The following CREB5 variants were observed in gnomAD, a reference collection of about 807,000 sequenced individuals.
CREB5 encodes cAMP responsive element binding protein 5, also known as cyclic AMP-responsive element-binding protein 5.
A neutral mutation model predicts 57.1 loss-of-function variants in CREB5; 19 were observed. The observed-to-expected ratio is 0.33, with a 90% CI of 0.23 to 0.49. The LOEUF is 0.49. CREB5 is among the 20% of genes least tolerant of loss of function. The pLI, the probability that CREB5 is intolerant of heterozygous loss-of-function variation, is 0.99. For synonymous variants in CREB5, 238 were observed against 238.3 expected, an observed-to-expected ratio of 1.00 and a Z score of 0.01; for missense variants, 579 against 671.6, an observed-to-expected ratio of 0.86 and a Z score of 1.52.
intron 1 of CREB5, among the ~76,000 whole-genome samples, chr7:28,318,177 C>T (rs1402605032): frequency 6.6e-6 from 1 of 152,126 alleles, no homozygotes; most frequent in East Asian, 1.9e-4. Flanking sequence ...TCCAATCTAC[C>T]ACAGCCTATG....
intron 1 of CREB5, among the ~76,000 whole-genome samples, chr7:28,485,070 G>A (rs1791497039): frequency 6.6e-6 from 1 of 152,210 alleles, no homozygotes; most frequent in African/African-American, 2.4e-5. Context: ...AATTTCTGGG[G>A]AATGTCAGTA....
chr7:28,521,728 T>C (rs1425533794), intron 4 of CREB5, among the ~76,000 whole-genome samples: 1 of 152,224 alleles, frequency 6.6e-6, no homozygotes, highest in East Asian at 1.9e-4. Context: ...TCCATGGTAC[T>C]TCTGCACAAT....
At chr7:28,701,464 A>C (rs899651857) in intron 5 of CREB5, among the ~76,000 whole-genome samples, 1 of 152,232 alleles carries the variant, frequency 6.6e-6, no homozygotes, top group Non-Finnish European at 1.5e-5. Context: ...AGGATCTGAC[A>C]TTAGAAGCTC....
At chr7:28,598,121 G>T (rs1796761022) in intron 5 of CREB5, among the ~76,000 whole-genome samples, 1 of 152,146 alleles carries the variant, frequency 6.6e-6, no homozygotes, top group South Asian at 2.1e-4. Context: ...CATGTTGTGG[G>T]AGGGACCCAG....
intron 1 of CREB5, among the ~76,000 whole-genome samples, chr7:28,372,412 G>A (rs1254266459): frequency 6.6e-6 from 1 of 152,124 alleles, no homozygotes; most frequent in African/African-American, 2.4e-5. Flanking sequence ...GTCCAAAATA[G>A]ACCAGGAAAA....
chr7:28,332,800 C>T (rs1051185237), intron 1 of CREB5, among the ~76,000 whole-genome samples: 3 of 152,162 alleles, frequency 2.0e-5, no homozygotes, highest in Admixed American at 1.3e-4. Context: ...TGTAGCTATA[C>T]ATCATCATTT....
chr7:28,816,003 C>T (rs908962661), intron 9 of CREB5, among the ~76,000 whole-genome samples: 5 of 151,790 alleles, frequency 3.3e-5, no homozygotes, highest in African/African-American at 1.2e-4. Context: ...AGTGTTATTT[C>T]TGTAGTCTAA....
At chr7:28,733,366 G>T (rs773132425) in intron 7 of CREB5, among the ~76,000 whole-genome samples, 8 of 152,134 alleles carry the variant, frequency 5.3e-5, no homozygotes, top group Non-Finnish European at 1.0e-4. Flanking sequence ...GTTTGGTCCA[G>T]TGTTCCTACC....
chr7:28,818,200 CTT>C (rs1223921434), intron 10 of CREB5, 21 bp downstream of exon 10: 8 of 1,571,966 alleles, frequency 5.1e-6, no homozygotes, highest in Non-Finnish European at 7.0e-6. Flanking sequence ...GACTTTTTCA[CTT>C]TTCTTTAGTG....
intron 5 of CREB5, among the ~76,000 whole-genome samples, chr7:28,623,674 T>C (rs61504765): frequency 0.019 from 2,923 of 152,300 alleles, 102 homozygotes; most frequent in African/African-American, 0.067. Flanking sequence ...GGAACTTTCT[T>C]TCCATTTGAT....
intron 1 of CREB5, among the ~76,000 whole-genome samples, chr7:28,460,884 A>G (rs1790322835): frequency 6.6e-6 from 1 of 152,070 alleles, no homozygotes; most frequent in Admixed American, 6.6e-5. Flanking sequence ...GGGCTGGAAG[A>G]AAGTGTATAA....
At chr7:28,744,647 C>A (rs952962129) in intron 7 of CREB5, among the ~76,000 whole-genome samples, 2 of 152,094 alleles carry the variant, frequency 1.3e-5, no homozygotes, top group African/African-American at 4.8e-5. Flanking sequence ...CATGCCCGGC[C>A]CCCTTTATTA....
intron 1 of CREB5, among the ~76,000 whole-genome samples, chr7:28,428,382 C>T (rs1430289165): frequency 1.3e-5 from 2 of 152,014 alleles, no homozygotes; most frequent in Non-Finnish European, 2.9e-5. Context: ...GTTGGAGGAT[C>T]GACTGTGTAG....
intron 5 of CREB5, among the ~76,000 whole-genome samples, chr7:28,616,401 C>T (rs1003238922): frequency 3.3e-5 from 5 of 152,206 alleles, no homozygotes; most frequent in Admixed American, 2.6e-4. Flanking sequence ...CTTTGGTTAC[C>T]CTGAATTCCA....
At chr7:28,597,874 A>G (rs905010773) in intron 5 of CREB5, among the ~76,000 whole-genome samples, 1 of 152,220 alleles carries the variant, frequency 6.6e-6, no homozygotes, top group South Asian at 2.1e-4. Context: ...CCACAGGGAA[A>G]AGAGACAATA....
chr7:28,776,414 C>G lies in CREB5; in HGVS notation c.703-27785C>G, dbSNP rs149810040. Among the ~76,000 whole-genome samples, 116 of 150,834 alleles carry G rather than the reference C, an allele frequency of 7.7e-4. 1 individual carries two copies. In the East Asian group the frequency reaches 0.021, roughly 27 times the overall value. ...ATTCTCACCCATTATATTCAGAAAACTTTGAATTTTTTTAGTTCAGAATTT... is the reference window on the plus strand; with the variant it reads ...ATTCTCACCCATTATATTCAGAAAAGTTTGAATTTTTTTAGTTCAGAATTT... On this transcript the variant is annotated intron_variant, in intron 7 of 10. Transcript: ENST00000357727.
chr7:28,669,546 A>G (rs1233233256), intron 5 of CREB5, among the ~76,000 whole-genome samples: 2 of 152,218 alleles, frequency 1.3e-5, no homozygotes, highest in Non-Finnish European at 2.9e-5. Context: ...GGTGGAGGGC[A>G]TACAGGAAGG....
At chr7:28,522,398 T>TG (rs1024750382) in intron 4 of CREB5, among the ~76,000 whole-genome samples, 4 of 149,208 alleles carry the variant, frequency 2.7e-5, no homozygotes, top group African/African-American at 7.5e-5. Context: ...TTGTTTTTTT[T>TG]TTTTTTTTTT....
intron 1 of CREB5, among the ~76,000 whole-genome samples, chr7:28,436,386 A>G (rs1274319980): frequency 6.6e-6 from 1 of 152,158 alleles, no homozygotes; most frequent in Non-Finnish European, 1.5e-5. Context: ...CGAAAACAGC[A>G]GTGTTGTTCC....
Sources: gnomAD v4.1 joint callset for allele counts (sites outside exome capture counted in the v4.1 genomes callset) on GRCh38, gnomAD v4.1.1 for gene constraint, MANE v1.5 for transcripts, NCBI Gene and HGNC (gene_info 2026-07-23, HGNC 2026-07-21) for gene names.